FHIT: variants seen among roughly 807,000 people sequenced by gnomAD.
FHIT encodes bis(5'-adenosyl)-triphosphatase.
FHIT carries 19 observed loss-of-function variants against 17.9 expected under a neutral mutation model. The observed-to-expected ratio is 1.06, with a 90% CI of 0.74 to 1.56. FHIT has a LOEUF of 1.56. Among genes scored for constraint, FHIT ranks in the 40% most tolerant of loss-of-function variants. FHIT has a pLI of 0.00. For missense variants in FHIT, 248 were observed against 189.2 expected (o/e 1.31, Z -1.82); for synonymous variants, 81 against 69.7 (o/e 1.16, Z -0.81).
At chr3:60,699,876 G>A (rs560107717) in intron 4 of FHIT, among the ~76,000 whole-genome samples, 301 of 151,950 alleles carry the variant, frequency 2.0e-3, no homozygotes, top group Middle Eastern at 0.01. Context: ...AGGTACAGTG[G>A]TTCACACCTG....
At chr3:60,420,962 C>T (rs1702442553) in intron 5 of FHIT, among the ~76,000 whole-genome samples, 1 of 151,926 alleles carries the variant, frequency 6.6e-6, no homozygotes, top group Non-Finnish European at 1.5e-5. Flanking sequence ...TTCTAACTTT[C>T]TCGTCTTTAT....
chr3:60,056,900 T>C (rs1702105123), intron 5 of FHIT, among the ~76,000 whole-genome samples: 1 of 152,208 alleles, frequency 6.6e-6, no homozygotes, highest in Admixed American at 6.5e-5. Flanking sequence ...GCTACCTTTA[T>C]TCACAGAACA....
chr3:60,679,470 T>C (rs1553696234), intron 4 of FHIT, among the ~76,000 whole-genome samples: 1 of 152,188 alleles, frequency 6.6e-6, no homozygotes, highest in African/African-American at 2.4e-5. Flanking sequence ...TTGCCTTCTT[T>C]TTTTGCTATT....
At chr3:60,751,647 T>C (rs1341348984) in intron 4 of FHIT, among the ~76,000 whole-genome samples, 9 of 152,186 alleles carry the variant, frequency 5.9e-5, no homozygotes, top group Non-Finnish European at 1.2e-4. Flanking sequence ...TTTTAAGGAA[T>C]TGGAGATGCT....
intron 8 of FHIT, among the ~76,000 whole-genome samples, chr3:59,912,757 C>G (rs1704943572): frequency 6.6e-6 from 1 of 152,158 alleles, no homozygotes; most frequent in South Asian, 2.1e-4. Context: ...TCCTTAGTTA[C>G]CACTAATGTA....
At chr3:59,931,926 C>T (rs987267172) in intron 7 of FHIT, among the ~76,000 whole-genome samples, 4 of 151,796 alleles carry the variant, frequency 2.6e-5, no homozygotes, top group African/African-American at 9.7e-5. Flanking sequence ...CTTTTAGCAG[C>T]CAGACAGCTT....
At chr3:61,095,152 A>C (rs1393300163) in intron 2 of FHIT, among the ~76,000 whole-genome samples, 1 of 152,220 alleles carries the variant, frequency 6.6e-6, no homozygotes, top group Non-Finnish European at 1.5e-5. Flanking sequence ...TTCATCAATT[A>C]ATCTATCCAT....
intron 8 of FHIT, among the ~76,000 whole-genome samples, chr3:59,866,047 G>C (rs373514183): frequency 6.6e-6 from 1 of 152,114 alleles, no homozygotes; most frequent in Non-Finnish European, 1.5e-5. Context: ...ATATTTACCA[G>C]CCACAGACAA....
intron 9 of FHIT, chr3:59,750,694 T>C (rs1419803449): frequency 2.8e-5 from 6 of 216,556 alleles, no homozygotes; most frequent in African/African-American, 9.0e-5. Flanking sequence ...TGAACAACAA[T>C]AGGGGGCAAG....
At chr3:60,701,541 C>A (rs926257790) in intron 4 of FHIT, among the ~76,000 whole-genome samples, 10 of 151,908 alleles carry the variant, frequency 6.6e-5, no homozygotes, top group African/African-American at 2.2e-4. Flanking sequence ...AAGCTGTCCT[C>A]TTTTGCTGAG....
chr3:59,881,444 G>A (rs998709133), intron 8 of FHIT, among the ~76,000 whole-genome samples: 7 of 152,148 alleles, frequency 4.6e-5, no homozygotes, highest in African/African-American at 1.7e-4. Context: ...TGGAAAGTGG[G>A]CTTCACTATT....
At chr3:60,632,434 T>C (rs4679482) in intron 4 of FHIT, among the ~76,000 whole-genome samples, 111,763 of 152,072 alleles carry the variant, frequency 0.73, 41,318 homozygotes, top group South Asian at 0.84. Flanking sequence ...TCTTTTGTTT[T>C]TGTAGTAAAG....
chr3:61,237,860 G>A (rs2040270968), intron 1 of FHIT, among the ~76,000 whole-genome samples: 1 of 152,160 alleles, frequency 6.6e-6, no homozygotes, highest in South Asian at 2.1e-4. Context: ...AGTCCTCAGG[G>A]TCAGATAATG....
chr3:60,154,360 G>T (rs1700592133), intron 5 of FHIT, among the ~76,000 whole-genome samples: 1 of 152,148 alleles, frequency 6.6e-6, no homozygotes, highest in African/African-American at 2.4e-5. Flanking sequence ...CCATGGTAGG[G>T]ATGGCATCAG....
At position 60,132,557 on chromosome 3, in the gene FHIT, T is replaced by C. The variant is rs1699640081; in HGVS notation, c.104-118405A>G. On this transcript the variant is annotated intron_variant, in intron 5 of 9. Transcript: ENST00000492590. ...GCCCTTTAACATATTTAATATATCA[T>C]CCCTAGTTGGAAGATACTTTTAGAA... 2.0e-5 allele frequency among the ~76,000 whole-genome samples: 3 copies of C among 152,302 alleles called. No individual in the cohort carries two copies. The South Asian group carries it at 6.2e-4, about 32-fold the overall frequency.
chr3:59,957,450 C>G (rs1707460432), intron 7 of FHIT, among the ~76,000 whole-genome samples: 1 of 152,206 alleles, frequency 6.6e-6, no homozygotes, highest in Admixed American at 6.5e-5. Flanking sequence ...TTTGTTTACA[C>G]CACCTAATCT....
chr3:60,518,776 A>G (rs1002284180), intron 5 of FHIT, among the ~76,000 whole-genome samples: 3 of 152,232 alleles, frequency 2.0e-5, no homozygotes, highest in African/African-American at 7.2e-5. Context: ...TGGGAGGCAG[A>G]GGCAGGCAGA....
At chr3:60,224,803 C>T (rs1032235185) in intron 5 of FHIT, among the ~76,000 whole-genome samples, 4 of 151,806 alleles carry the variant, frequency 2.6e-5, no homozygotes, top group South Asian at 4.2e-4. Flanking sequence ...TGGCTGAAAA[C>T]TCCGGCTCCC....
At chr3:60,453,978 A>T (rs2031920668) in intron 5 of FHIT, among the ~76,000 whole-genome samples, 1 of 152,074 alleles carries the variant, frequency 6.6e-6, no homozygotes, top group African/African-American at 2.4e-5. Flanking sequence ...AAAAAAAATA[A>T]CCTAAGCATT....
Sources: gnomAD v4.1 joint callset for allele counts (sites outside exome capture counted in the v4.1 genomes callset) on GRCh38, gnomAD v4.1.1 for gene constraint, MANE v1.5 for transcripts, NCBI Gene and HGNC (gene_info 2026-07-23, HGNC 2026-07-21) for gene names.